SPTBN1: variants seen among roughly 807,000 people sequenced by gnomAD.
SPTBN1 encodes the protein spectrin beta, non-erythrocytic 1.
Under a neutral mutation model 266.4 loss-of-function variants are expected in SPTBN1, and 32 were observed. The observed-to-expected ratio is 0.12, with a 90% CI of 0.09 to 0.16. The LOEUF is 0.16. Ranked by LOEUF, SPTBN1 falls within the 10% of genes least tolerant of loss-of-function variation. SPTBN1 has a pLI of 1.00. For synonymous variants in SPTBN1, 1,336 were observed against 1,162.2 expected, an observed-to-expected ratio of 1.15 and a Z score of -3.04; for missense variants, 2,296 against 3,067.1, an observed-to-expected ratio of 0.75 and a Z score of 5.94.
intron 2 of SPTBN1, among the ~76,000 whole-genome samples, chr2:54,575,926 A>C (rs369613319): frequency 6.6e-6 from 1 of 152,196 alleles, no homozygotes; most frequent in Non-Finnish European, 1.5e-5. Context: ...AGTACGAGAA[A>C]CATGGTTGGA....
rs1399721675 is a variant in SPTBN1 at position 54,609,288 on chromosome 2, G to T, written c.301-2873G>T. ...TCTGATGTGGTGTCTGATAGCTCTT[G>T]AATTTCTCCAAGATCCGTATCATGA... is the stretch of plus-strand genomic sequence containing the variant. On this transcript the variant is annotated intron_variant, in intron 3 of 35. Coordinates refer to ENST00000356805, the MANE Select transcript of SPTBN1 (RefSeq NM_003128.3). 2.6e-5 allele frequency among the ~76,000 whole-genome samples: 4 copies of T among 152,298 alleles called. No individual in the cohort carries two copies. The East Asian group carries it at 7.7e-4, about 29-fold the overall frequency.
At chr2:54,586,802 G>A (rs928989236) in intron 2 of SPTBN1, among the ~76,000 whole-genome samples, 1 of 152,158 alleles carries the variant, frequency 6.6e-6, no homozygotes, top group Non-Finnish European at 1.5e-5. Context: ...AAACTGTCAA[G>A]AACGGCTGGA....
In SPTBN1 at chr2:54,533,692, A is replaced by G. The variant is rs1446187024; in HGVS notation, c.148+7126A>G. On this transcript the variant is annotated intron_variant, in intron 2 of 35. Coordinates refer to ENST00000356805, the MANE Select transcript of SPTBN1 (RefSeq NM_003128.3). This position sits in a 1 kb window ranked among gnomAD's most constrained non-coding sequence, Gnocchi z 4.2. ...CAGCTTCCCGAGTAGCTGGGACTACAGGCACCCGCCACCACACCTGGCTAA... is the reference window on the plus strand; with the variant it reads ...CAGCTTCCCGAGTAGCTGGGACTACGGGCACCCGCCACCACACCTGGCTAA... Among the ~76,000 whole-genome samples the G allele has an allele frequency of 1.3e-5, 2 of 152,068 alleles. No homozygotes were observed. The highest frequency in any genetic ancestry group is 2.9e-5 in the Non-Finnish European group (2 of 68,004).
At chr2:54,563,908 G>A (rs886223832) in intron 2 of SPTBN1, among the ~76,000 whole-genome samples, 10 of 152,164 alleles carry the variant, frequency 6.6e-5, no homozygotes, top group African/African-American at 1.7e-4. Flanking sequence ...CGAACTTTTT[G>A]TAGATAAAGA....
At chr2:54,639,788 T>G (rs551838291) in intron 18 of SPTBN1, among the ~76,000 whole-genome samples, 1 of 152,342 alleles carries the variant, frequency 6.6e-6, no homozygotes, top group East Asian at 1.9e-4. Flanking sequence ...TTCCAGTGAT[T>G]ATGAGGCATG....
chr2:54,478,488 A>G (rs1667951946), intron 1 of SPTBN1, among the ~76,000 whole-genome samples: 1 of 152,120 alleles, frequency 6.6e-6, no homozygotes. Context: ...TAGAATTGGA[A>G]GTTTTGGGTC....
In SPTBN1 at chr2:54,533,889, C is replaced by G. The variant is rs1671422944; in HGVS notation, c.148+7323C>G. Among the ~76,000 whole-genome samples the G allele has an allele frequency of 8.1e-6, 1 of 123,424 alleles. No individual in the cohort carries two copies. The highest frequency in any genetic ancestry group is 1.7e-5 in the Non-Finnish European group (1 of 59,282). 81.0% of individuals were successfully genotyped at this position (123,424 alleles called of 152,430 possible). On this transcript the variant is annotated intron_variant, in intron 2 of 35. Transcript: ENST00000356805. The surrounding 1 kb of genome is among the most constrained non-coding windows in gnomAD (Gnocchi z 4.2). Reference sequence around the variant, plus strand: ...TAGGGGGAAAGATTGATCTCTCTCTCTGTCTCTCTCTCACACACACACACA... The same window carrying G: ...TAGGGGGAAAGATTGATCTCTCTCTGTGTCTCTCTCTCACACACACACACA...
intron 32 of SPTBN1, chr2:54,662,313 C>T: frequency 1.0e-6 from 1 of 985,300 alleles, no homozygotes; most frequent in Non-Finnish European, 1.2e-6. Context: ...CTTTTATTTT[C>T]CTTGTTTTCT....
intron 1 of SPTBN1, among the ~76,000 whole-genome samples, chr2:54,495,728 A>G (rs1668936655): frequency 6.8e-6 from 1 of 146,650 alleles, no homozygotes; most frequent in South Asian, 2.2e-4. Flanking sequence ...TAGACATAAA[A>G]TATCATTGTT....
chr2:54,456,898 ACGCGGAGGCCCCTGG>A (rs1308688294), intron 1 of SPTBN1, among the ~76,000 whole-genome samples: 1 of 150,760 alleles, frequency 6.6e-6, no homozygotes. Context: ...GCGGCCCCTG[ACGCGGAGGCCCCTGG>A]CGCGGAGGTG....
At position 54,628,235 on chromosome 2, in the gene SPTBN1, G is replaced by C; in HGVS notation, c.1783G>C (p.Ala595Pro). The change falls in exon 13 of 36, where the codon GCA becomes CCA. Residue 595 changes from alanine (A) to proline (P), a missense_variant. Around this residue, in one of 12 missense-constraint regions of SPTBN1, gnomAD observed 434 missense variants for 573.9 expected, o/e 0.76. Transcript: ENST00000356805. The surrounding 1 kb of genome is among the most constrained non-coding windows in gnomAD (Gnocchi z 4.3). ...TGTCAATGCCTCCGCCCAGAAGTTC[G>C]CAACAGACGGGGAAGGTAAGGATGG... ...RGVNASAQKF[A>P]TDGEGYKPCD... is the part of the protein sequence containing the mutation. The C allele has an allele frequency of 1.2e-6, 2 of 1,612,792 alleles. No individual in the cohort carries two copies. The highest frequency in any genetic ancestry group is 8.5e-7 in the Non-Finnish European group (1 of 1,179,444).
intron 1 of SPTBN1, among the ~76,000 whole-genome samples, chr2:54,460,538 G>T (rs918908896): frequency 6.6e-6 from 1 of 152,152 alleles, no homozygotes; most frequent in African/African-American, 2.4e-5. Flanking sequence ...AGCCTCGGAA[G>T]CTAACCCCTG....
intron 17 of SPTBN1, among the ~76,000 whole-genome samples, chr2:54,633,647 A>G (rs558158331): frequency 7.2e-5 from 11 of 152,300 alleles, no homozygotes; most frequent in Non-Finnish European, 1.3e-4. Context: ...GGTTGAATTT[A>G]AGGGCTTGCT....
chr2:54,550,576 T>C (rs1403697242), intron 2 of SPTBN1, among the ~76,000 whole-genome samples: 2 of 152,198 alleles, frequency 1.3e-5, no homozygotes, highest in Non-Finnish European at 2.9e-5. Flanking sequence ...TAAAATTGCA[T>C]AGATAAGACC....
intron 1 of SPTBN1, among the ~76,000 whole-genome samples, chr2:54,483,574 G>A (rs988867492): frequency 2.0e-5 from 3 of 152,258 alleles, no homozygotes; most frequent in Non-Finnish European, 4.4e-5. Context: ...CCTGTCTCCT[G>A]CATTTCGCTG....
At chr2:54,633,544 G>A (rs756902860) in intron 17 of SPTBN1, among the ~76,000 whole-genome samples, 11 of 152,164 alleles carry the variant, frequency 7.2e-5, no homozygotes, top group Non-Finnish European at 1.2e-4. Context: ...GGTTACTTAA[G>A]TTGGAGGTTG....
intron 1 of SPTBN1, among the ~76,000 whole-genome samples, chr2:54,522,662 G>GA (rs1199710254): frequency 3.7e-5 from 3 of 80,494 alleles, no homozygotes; most frequent in Admixed American, 1.3e-4. Flanking sequence ...GAGAGAAAGA[G>GA]AGAGAGAGAG....
In SPTBN1 at chr2:54,670,078, C is replaced by T. The variant is rs1279457482; in HGVS notation, c.*1509C>T. ...ACGGTATGTGAATGCCTGGGCATGG[C>T]TGTGTTCCAGTAAAACTATTTAAGG... On this transcript the variant is annotated 3_prime_UTR_variant, in exon 36 of 36. Transcript: ENST00000356805. 6.6e-6 allele frequency: 1 copy of T among 152,142 alleles called. No homozygotes were observed. Among genetic ancestry groups the T allele is most frequent in the Non-Finnish European group, 1.5e-5 (1 of 68,046 alleles). The allele number at this position is 152,142 out of a possible 1,614,324, so 9.4% of individuals were successfully genotyped here. A position where few individuals can be genotyped will look rare whatever the true frequency, so the allele number is the denominator to read the frequency against.
At chr2:54,456,824 C>T (rs1007743900) in intron 1 of SPTBN1, among the ~76,000 whole-genome samples, 3 of 151,294 alleles carry the variant, frequency 2.0e-5, no homozygotes, top group African/African-American at 7.3e-5. Context: ...CCGGCCCCAG[C>T]CCCGGCGCGG....
Sources: allele counts gnomAD v4.1 joint callset (sites outside exome capture counted in the v4.1 genomes callset), GRCh38; gene constraint gnomAD v4.1.1; regional missense constraint gnomAD v4.1.1; non-coding constraint Gnocchi (gnomAD v3.1); transcripts MANE v1.5; gene names NCBI Gene and HGNC (gene_info 2026-07-23, HGNC 2026-07-21).